FAM135B: variants seen among roughly 807,000 people sequenced by gnomAD.
The protein encoded by FAM135B is family with sequence similarity 135 member B.
Under a neutral mutation model 127.7 loss-of-function variants are expected in FAM135B, and 43 were observed. That is an observed-to-expected ratio of 0.34 (90% CI 0.26 to 0.43). The LOEUF (loss-of-function observed/expected upper bound fraction) is 0.43. Among genes scored for constraint, FAM135B ranks in the 20% least tolerant of loss-of-function variants. FAM135B has a pLI of 1.00. For synonymous variants in FAM135B, 670 were observed against 665.1 expected (o/e 1.01, Z -0.11); for missense variants, 1,558 against 1,725.6 (o/e 0.90, Z 1.72).
intron 1 of FAM135B, among the ~76,000 whole-genome samples, chr8:138,433,705 T>C (rs1835319464): frequency 6.6e-6 from 1 of 152,158 alleles, no homozygotes; most frequent in African/African-American, 2.4e-5. Context: ...TCTTTGATGT[T>C]CAAGTTTATG....
At chr8:138,342,909 T>A (rs1350055600) in intron 2 of FAM135B, among the ~76,000 whole-genome samples, 5 of 152,208 alleles carry the variant, frequency 3.3e-5, no homozygotes, top group Non-Finnish European at 4.4e-5. Context: ...CAAACATGCA[T>A]GCACAAATCC....
At chr8:138,179,946 T>C (rs367602192) in intron 9 of FAM135B, among the ~76,000 whole-genome samples, 1 of 152,142 alleles carries the variant, frequency 6.6e-6, no homozygotes. Context: ...GTGTTGGGAT[T>C]ACACGTATGA....
intron 1 of FAM135B, among the ~76,000 whole-genome samples, chr8:138,368,348 CT>C (rs1486404990): frequency 2.6e-5 from 4 of 152,186 alleles, no homozygotes. Flanking sequence ...AATCCTTGCT[CT>C]ACCGCTTTCC....
intron 2 of FAM135B, among the ~76,000 whole-genome samples, chr8:138,347,416 C>T (rs1200597936): frequency 1.3e-5 from 2 of 152,088 alleles, no homozygotes; most frequent in Non-Finnish European, 2.9e-5. Flanking sequence ...GATCCTTAAC[C>T]CTGGCATCAT....
chr8:138,335,053 T>A (rs185811863), intron 2 of FAM135B, among the ~76,000 whole-genome samples: 6 of 152,356 alleles, frequency 3.9e-5, no homozygotes, highest in Admixed American at 3.9e-4. Flanking sequence ...ACATTTTTTC[T>A]TATTCTGCAT....
chr8:138,163,999 T>C (rs2130872866), intron 12 of FAM135B, among the ~76,000 whole-genome samples: 1 of 152,332 alleles, frequency 6.6e-6, no homozygotes, highest in Admixed American at 6.5e-5. Flanking sequence ...CAGCAAATGC[T>C]ATTATTTTAA....
At chr8:138,208,520 T>C (rs911598418) in intron 7 of FAM135B, among the ~76,000 whole-genome samples, 2 of 152,240 alleles carry the variant, frequency 1.3e-5, no homozygotes, top group Non-Finnish European at 2.9e-5. Context: ...TCCCGTTTAT[T>C]TCAAAATGAT....
At chr8:138,396,076 G>A (rs1356869475) in intron 1 of FAM135B, among the ~76,000 whole-genome samples, 1 of 152,188 alleles carries the variant, frequency 6.6e-6, no homozygotes, top group Non-Finnish European at 1.5e-5. Flanking sequence ...ACCCATCTGT[G>A]TAACGAAAGC....
At chr8:138,427,273 T>TTATATA (rs34227349) in intron 1 of FAM135B, among the ~76,000 whole-genome samples, 12 of 146,318 alleles carry the variant, frequency 8.2e-5, no homozygotes, top group African/African-American at 2.5e-4. Context: ...TTCATCAAGA[T>TTATATA]TATATATATA....
intron 18 of FAM135B, among the ~76,000 whole-genome samples, chr8:138,138,446 G>A (rs1415012144): frequency 6.6e-6 from 1 of 152,184 alleles, no homozygotes; most frequent in Non-Finnish European, 1.5e-5. Context: ...ACTGGACATG[G>A]GGACCACTCG....
chr8:138,366,125 A>G (rs918687947), intron 2 of FAM135B, among the ~76,000 whole-genome samples: 1 of 152,188 alleles, frequency 6.6e-6, no homozygotes, highest in African/African-American at 2.4e-5. Flanking sequence ...ACTTAGCTTC[A>G]GCTCCTCACT....
At chr8:138,380,062 G>A (rs188277778) in intron 1 of FAM135B, among the ~76,000 whole-genome samples, 179 of 152,262 alleles carry the variant, frequency 1.2e-3, no homozygotes, top group African/African-American at 4.0e-3. Context: ...GCAGTGCACC[G>A]CACCCAATTC....
Position 138,311,955 on chromosome 8 carries a change from T to C in FAM135B, c.78-1035A>G, listed in dbSNP as rs891085850. ...TGTTCCTGTATCTGTAAAATGAATATATATATATTGAGATGGCATCTTGCT... is the reference window on the plus strand; with the variant it reads ...TGTTCCTGTATCTGTAAAATGAATACATATATATTGAGATGGCATCTTGCT... On this transcript the variant is annotated intron_variant, in intron 2 of 19. Coordinates refer to ENST00000395297, the MANE Select transcript of FAM135B (RefSeq NM_015912.4). 3.3e-5 allele frequency among the ~76,000 whole-genome samples: 5 copies of C among 152,098 alleles called. No homozygotes were observed. The East Asian group carries it at 7.7e-4, about 23-fold the overall frequency.
At chr8:138,145,270 C>T (rs1166706899) in intron 15 of FAM135B, among the ~76,000 whole-genome samples, 1 of 152,174 alleles carries the variant, frequency 6.6e-6, no homozygotes, top group African/African-American at 2.4e-5. Flanking sequence ...ACTGCTTTGG[C>T]TTCCCAAAAT....
rs11286136 is a variant in FAM135B, at chr8:138,306,584, CTT to C, written c.157+4255_157+4256del. ...AAAAAGCCTGTCACAGTGTATCATT[CTT>C]TTTTTTTTTTTTTTGAGACAGAGTC... On this transcript the variant is annotated intron_variant, in intron 3 of 19. Coordinates refer to ENST00000395297, the MANE Select transcript of FAM135B (RefSeq NM_015912.4). Among the ~76,000 whole-genome samples, 868 of 114,726 alleles carry C rather than the reference CTT, an allele frequency of 7.6e-3. 1 individual carries two copies. Among genetic ancestry groups the C allele is most frequent in the Non-Finnish European group, 0.01 (533 of 53,170 alleles). 75.3% of individuals were successfully genotyped at this position (114,726 alleles called of 152,430 possible).
intron 1 of FAM135B, among the ~76,000 whole-genome samples, chr8:138,474,201 A>G (rs939140654): frequency 1.3e-5 from 2 of 152,108 alleles, no homozygotes; most frequent in African/African-American, 4.8e-5. Context: ...GTGTCGCCTG[A>G]GTCATTTGCG....
intron 1 of FAM135B, chr8:138,439,817 G>A (rs1243312387): frequency 6.6e-6 from 1 of 152,174 alleles, no homozygotes; most frequent in Non-Finnish European, 1.5e-5. Flanking sequence ...GAGCAGAAAA[G>A]GCAGACCTGA....
At position 138,178,660 on chromosome 8, in the gene FAM135B, G is replaced by T. The variant is rs62530864; in HGVS notation, c.904C>A (p.Gln302Lys). 6.2e-7 allele frequency: 1 copy of T among 1,613,900 alleles called. No homozygotes were observed. The highest frequency in any genetic ancestry group is 8.5e-7 in the Non-Finnish European group (1 of 1,179,976). Residue 302 changes from glutamine to lysine, a missense_variant, in exon 10 of 20, where the codon CAG becomes AAG. Coordinates refer to ENST00000395297, the MANE Select transcript of FAM135B (RefSeq NM_015912.4). Reference protein sequence around the residue: ...MLNNPEKIAEQISKDLAWLTS... With the variant: ...MLNNPEKIAEKISKDLAWLTS... Reference sequence around the variant, plus strand: ...AGCCAGGCCAGATCCTTGCTTATCTGCTCAGCGATCTTCTCTGGATTGTTC... The same window carrying T: ...AGCCAGGCCAGATCCTTGCTTATCTTCTCAGCGATCTTCTCTGGATTGTTC...
chr8:138,139,080 C>T lies in FAM135B; in HGVS notation c.3807G>A (p.Gln1269=), dbSNP rs1816905551. The T allele has an allele frequency of 1.2e-6, 2 of 1,610,970 alleles. No individual in the cohort carries two copies. Among genetic ancestry groups the T allele is most frequent in the East Asian group, 2.2e-5 (1 of 44,886 alleles). Residue 1269 remains glutamine, a synonymous_variant, in exon 18 of 20, where the codon CAG becomes CAA. Coordinates refer to ENST00000395297, the MANE Select transcript of FAM135B (RefSeq NM_015912.4). ...TLVSTGLWLM[Q]KLKKSGSLLQ... is the part of the protein sequence containing the mutation. Reference sequence around the variant, plus strand: ...GTAGAGACCCGGATTTCTTCAGTTTCTGCATGAGCCATAAGCCTAGGAAGA... The same window carrying T: ...GTAGAGACCCGGATTTCTTCAGTTTTTGCATGAGCCATAAGCCTAGGAAGA...
Sources: allele counts gnomAD v4.1 joint callset (sites outside exome capture counted in the v4.1 genomes callset), GRCh38; gene constraint gnomAD v4.1.1; transcripts MANE v1.5; gene names NCBI Gene and HGNC (gene_info 2026-07-23, HGNC 2026-07-21).